The following NXPH1 variants were observed in gnomAD, a reference collection of about 807,000 sequenced individuals.
The protein encoded by NXPH1 is neurexophilin 1, also known as neurexophilin-1.
A neutral mutation model predicts 23.7 loss-of-function variants in NXPH1; 5 were observed. The ratio of observed to expected loss-of-function variants is 0.21; its 90% CI spans 0.11 to 0.44. The LOEUF is 0.44. Among genes scored for constraint, NXPH1 ranks in the 20% least tolerant of loss-of-function variants. The pLI is 0.99. For synonymous variants in NXPH1, 144 were observed against 122.2 expected (o/e 1.18, Z -1.18); for missense variants, 324 against 321.6 (o/e 1.01, Z -0.06).
intron 2 of NXPH1, among the ~76,000 whole-genome samples, chr7:8,526,028 C>T (rs1056970686): frequency 2.0e-4 from 30 of 152,300 alleles, no homozygotes; most frequent in African/African-American, 6.5e-4. Context: ...TTGCACCATG[C>T]ACCTGGAAAA....
At chr7:8,609,171 T>C (rs2128629104) in intron 2 of NXPH1, among the ~76,000 whole-genome samples, 1 of 152,316 alleles carries the variant, frequency 6.6e-6, no homozygotes, top group Non-Finnish European at 1.5e-5. Context: ...CTGGCTTTCT[T>C]ATTCTACAGA....
intron 2 of NXPH1, among the ~76,000 whole-genome samples, chr7:8,628,248 GTCACTAACATGTTACAGAGTTTGATGTTA>G (rs1820037755): frequency 2.0e-5 from 3 of 151,998 alleles, no homozygotes; most frequent in Admixed American, 2.0e-4. Context: ...AAGAAAAAAC[GTCACTAACATGTTACAGAGTTTGATGTTA>G]TCTATCTTCG....
At chr7:8,547,455 A>T (rs1818214310) in intron 2 of NXPH1, among the ~76,000 whole-genome samples, 1 of 135,028 alleles carries the variant, frequency 7.4e-6, no homozygotes, top group Non-Finnish European at 1.8e-5. Context: ...TGATAAATAA[A>T]TGAAAGACTA....
intron 2 of NXPH1, among the ~76,000 whole-genome samples, chr7:8,574,264 T>C (rs948653841): frequency 2.0e-5 from 3 of 152,188 alleles, no homozygotes; most frequent in African/African-American, 7.2e-5. Flanking sequence ...AAAACTGTTT[T>C]TTTAAATTTT....
intron 2 of NXPH1, among the ~76,000 whole-genome samples, chr7:8,540,672 G>T (rs1168902573): frequency 6.6e-6 from 1 of 151,796 alleles, no homozygotes; most frequent in Non-Finnish European, 1.5e-5. Flanking sequence ...TTTCAATTCA[G>T]TGGAATAATA....
chr7:8,479,327 T>A (rs901172761), intron 2 of NXPH1, among the ~76,000 whole-genome samples: 1 of 152,130 alleles, frequency 6.6e-6, no homozygotes, highest in African/African-American at 2.4e-5. Context: ...GTAACTAATA[T>A]GGGAAAAGAT....
chr7:8,716,815 C>T (rs1779885852), intron 2 of NXPH1, among the ~76,000 whole-genome samples: 1 of 152,142 alleles, frequency 6.6e-6, no homozygotes. Context: ...AGTCATTGCC[C>T]TGAGCCATTG....
chr7:8,670,133 G>A (rs527522606), intron 2 of NXPH1, among the ~76,000 whole-genome samples: 22 of 152,254 alleles, frequency 1.4e-4, no homozygotes, highest in African/African-American at 5.1e-4. Context: ...CTGGCATTTG[G>A]AATGGCTGCT....
chr7:8,589,383 C>A (rs910074908), intron 2 of NXPH1, among the ~76,000 whole-genome samples: 2 of 152,032 alleles, frequency 1.3e-5, no homozygotes, highest in African/African-American at 4.8e-5. Context: ...AATATTAGTC[C>A]TTGAAATATT....
At chr7:8,466,876 G>A (rs909459793) in intron 2 of NXPH1, among the ~76,000 whole-genome samples, 7 of 152,178 alleles carry the variant, frequency 4.6e-5, no homozygotes, top group Admixed American at 1.3e-4. Flanking sequence ...TGAGCACAGG[G>A]TCTAGAGTCA....
chr7:8,610,602 G>A (rs1819596874), intron 2 of NXPH1, among the ~76,000 whole-genome samples: 2 of 152,072 alleles, frequency 1.3e-5, no homozygotes, highest in African/African-American at 2.4e-5. Flanking sequence ...AGGAGAATAT[G>A]TATCCTTCCA....
intron 2 of NXPH1, among the ~76,000 whole-genome samples, chr7:8,690,608 T>A (rs1470609829): frequency 2.0e-5 from 3 of 152,220 alleles, no homozygotes; most frequent in Non-Finnish European, 4.4e-5. Flanking sequence ...ATATTTTATT[T>A]AAGTGAAGAA....
At chr7:8,469,312 T>C (rs983656896) in intron 2 of NXPH1, among the ~76,000 whole-genome samples, 20 of 152,194 alleles carry the variant, frequency 1.3e-4, no homozygotes, top group African/African-American at 4.6e-4. Flanking sequence ...ATGGACTTTC[T>C]GTGATAATAG....
intron 2 of NXPH1, among the ~76,000 whole-genome samples, chr7:8,552,495 C>T (rs907131916): frequency 1.5e-4 from 23 of 151,310 alleles, no homozygotes; most frequent in Non-Finnish European, 1.9e-4. Context: ...AACATGTCTG[C>T]CCCGGGTACA....
chr7:8,714,750 C>G (rs552991511), intron 2 of NXPH1, among the ~76,000 whole-genome samples: 1 of 152,188 alleles, frequency 6.6e-6, no homozygotes, highest in South Asian at 2.1e-4. Flanking sequence ...TAGCAAGGGC[C>G]TGGAATTGGG....
chr7:8,612,572 T>C (rs1055722019), intron 2 of NXPH1, among the ~76,000 whole-genome samples: 2 of 152,088 alleles, frequency 1.3e-5, no homozygotes, highest in African/African-American at 4.8e-5. Context: ...TAAGAGAGTC[T>C]AATCAGTTCT....
At chr7:8,473,986 C>T (rs1015649570) in intron 2 of NXPH1, among the ~76,000 whole-genome samples, 1 of 152,150 alleles carries the variant, frequency 6.6e-6, no homozygotes, top group Non-Finnish European at 1.5e-5. Flanking sequence ...AATAGCTGGA[C>T]TCACCAGTGA....
rs540371174 is a variant in NXPH1 at position 8,710,749 on chromosome 7, G to A, written c.55-40259G>A. Among the ~76,000 whole-genome samples, 57 of 109,186 alleles carry A rather than the reference G, an allele frequency of 5.2e-4. 3 individuals carry two copies. The highest frequency in any genetic ancestry group is 9.6e-4 in the East Asian group (3 of 3,122). 71.6% of individuals were successfully genotyped at this position (109,186 alleles called of 152,430 possible). A position where few individuals can be genotyped will look rare whatever the true frequency, so the allele number is the denominator to read the frequency against. ...GCAATCTCGGCTCACTGCAAGCTCCGCTTCCCGGGTTCACGCCATTCTCCT... is the reference window on the plus strand; with the variant it reads ...GCAATCTCGGCTCACTGCAAGCTCCACTTCCCGGGTTCACGCCATTCTCCT... On this transcript the variant is annotated intron_variant, in intron 2 of 2. Transcript: ENST00000405863.
At chr7:8,508,454 A>G (rs1296998108) in intron 2 of NXPH1, among the ~76,000 whole-genome samples, 1 of 152,256 alleles carries the variant, frequency 6.6e-6, no homozygotes, top group Middle Eastern at 3.4e-3. Flanking sequence ...AATTCTTTGA[A>G]CAGTGCCTCT....
Sources: gnomAD v4.1 joint callset for allele counts (sites outside exome capture counted in the v4.1 genomes callset) on GRCh38, gnomAD v4.1.1 for gene constraint, MANE v1.5 for transcripts, NCBI Gene and HGNC (gene_info 2026-07-23, HGNC 2026-07-21) for gene names.